The following CNTNAP2 variants were observed in gnomAD, a reference collection of about 807,000 sequenced individuals.
CNTNAP2 encodes contactin associated protein 2, also known as contactin-associated protein-like 2.
CNTNAP2 carries 98 observed loss-of-function variants against 155.2 expected under a neutral mutation model. That is an observed-to-expected ratio of 0.63 (90% CI 0.54 to 0.75). The LOEUF (loss-of-function observed/expected upper bound fraction) is 0.75. Ranked by LOEUF, CNTNAP2 falls within the 30% of genes least tolerant of loss-of-function variation. The pLI is 0.00. For synonymous variants in CNTNAP2, 651 were observed against 631.2 expected (o/e 1.03, Z -0.47); for missense variants, 1,727 against 1,688.1 (o/e 1.02, Z -0.40).
intron 13 of CNTNAP2, among the ~76,000 whole-genome samples, chr7:147,900,112 T>C (rs541319912): frequency 8.5e-4 from 130 of 152,282 alleles, no homozygotes; most frequent in African/African-American, 3.1e-3. Context: ...AATCTGATGG[T>C]GCTGGCCCCT....
chr7:146,652,892 C>T (rs1799940649), intron 1 of CNTNAP2, among the ~76,000 whole-genome samples: 1 of 152,080 alleles, frequency 6.6e-6, no homozygotes, highest in African/African-American at 2.4e-5. Context: ...GGATAACTTC[C>T]TTATGTTGTC....
intron 10 of CNTNAP2, among the ~76,000 whole-genome samples, chr7:147,446,542 CA>C (rs1285633508): frequency 1.3e-5 from 2 of 152,082 alleles, no homozygotes; most frequent in African/African-American, 4.8e-5. Context: ...GACCCATATC[CA>C]AGTTTTCCAC....
At chr7:146,922,903 C>T (rs756329740) in intron 3 of CNTNAP2, among the ~76,000 whole-genome samples, 16 of 151,936 alleles carry the variant, frequency 1.1e-4, no homozygotes, top group African/African-American at 3.6e-4. Context: ...GAAAAAAAGA[C>T]GAGTATGTAA....
chr7:147,654,910 A>G (rs977228176), intron 13 of CNTNAP2, among the ~76,000 whole-genome samples: 2 of 132,438 alleles, frequency 1.5e-5, no homozygotes, highest in Non-Finnish European at 3.1e-5. Flanking sequence ...TCCACCTCCC[A>G]GGATCAAGCA....
intron 10 of CNTNAP2, among the ~76,000 whole-genome samples, chr7:147,439,317 A>G (rs1010470302): frequency 1.3e-4 from 20 of 151,872 alleles, no homozygotes; most frequent in African/African-American, 4.6e-4. Flanking sequence ...GAAAAATTCC[A>G]ATTTTCTTAA....
intron 13 of CNTNAP2, among the ~76,000 whole-genome samples, chr7:147,768,383 A>G (rs1464031643): frequency 6.6e-6 from 1 of 152,072 alleles, no homozygotes; most frequent in African/African-American, 2.4e-5. Context: ...ATGAGGCCAA[A>G]CTTTTTAATA....
intron 13 of CNTNAP2, among the ~76,000 whole-genome samples, chr7:147,639,814 TGTGCTA>T (rs1230283107): frequency 6.6e-6 from 1 of 152,208 alleles, no homozygotes; most frequent in Non-Finnish European, 1.5e-5. Flanking sequence ...ACTTTTAGCA[TGTGCTA>T]GTGTGTGTGT....
At chr7:146,752,676 G>A (rs925679612) in intron 1 of CNTNAP2, among the ~76,000 whole-genome samples, 2 of 152,242 alleles carry the variant, frequency 1.3e-5, no homozygotes, top group East Asian at 3.9e-4. Context: ...TGGTGTTACA[G>A]ACATAAAGTC....
chr7:147,966,499 C>A (rs1359493410), intron 14 of CNTNAP2, among the ~76,000 whole-genome samples: 1 of 151,824 alleles, frequency 6.6e-6, no homozygotes, highest in Admixed American at 6.6e-5. Flanking sequence ...TTTATATATC[C>A]AAACAGAAGT....
At chr7:147,958,625 A>G (rs1008399879) in intron 14 of CNTNAP2, among the ~76,000 whole-genome samples, 1 of 152,232 alleles carries the variant, frequency 6.6e-6, no homozygotes, top group African/African-American at 2.4e-5. Flanking sequence ...CCAAAAATAT[A>G]ACTGAACTAT....
chr7:147,544,826 G>A (rs1799702881), intron 11 of CNTNAP2, among the ~76,000 whole-genome samples: 2 of 152,050 alleles, frequency 1.3e-5, no homozygotes, highest in Admixed American at 6.6e-5. Flanking sequence ...GGGGTGTCCG[G>A]TTTTGCTTGG....
Position 146,895,646 on chromosome 7 carries a change from C to G in CNTNAP2, c.402+55742C>G, listed in dbSNP as rs1253096127. On this transcript the variant is annotated intron_variant, in intron 3 of 23. Coordinates refer to ENST00000361727, the MANE Select transcript of CNTNAP2 (RefSeq NM_014141.6). ...TATGGGATATAATCACGTGGAAATA[C>G]ATAAAAGTATTGCTAGCTTACTGAT... 2.0e-5 allele frequency among the ~76,000 whole-genome samples: 3 copies of G among 152,136 alleles called. No individual in the cohort carries two copies. In the East Asian group the frequency reaches 5.8e-4, roughly 29 times the overall value.
At chr7:147,362,596 A>C (rs1796163976) in intron 9 of CNTNAP2, among the ~76,000 whole-genome samples, 1 of 152,112 alleles carries the variant, frequency 6.6e-6, no homozygotes, top group Admixed American at 6.6e-5. Context: ...TAGAACTGCC[A>C]CCTCACCTAC....
intron 1 of CNTNAP2, among the ~76,000 whole-genome samples, chr7:146,734,839 A>T (rs1260285305): frequency 6.6e-6 from 1 of 152,206 alleles, no homozygotes; most frequent in African/African-American, 2.4e-5. Context: ...TTCCAAAATT[A>T]AAACTGTGTC....
At chr7:146,188,105 G>A (rs1798648665) in intron 1 of CNTNAP2, among the ~76,000 whole-genome samples, 1 of 152,076 alleles carries the variant, frequency 6.6e-6, no homozygotes, top group South Asian at 2.1e-4. Flanking sequence ...CCTTAGGTGA[G>A]TTTATCACAA....
At chr7:146,861,056 G>A (rs1795088354) in intron 3 of CNTNAP2, among the ~76,000 whole-genome samples, 1 of 151,570 alleles carries the variant, frequency 6.6e-6, no homozygotes, top group Non-Finnish European at 1.5e-5. Flanking sequence ...TTTTTTCTTT[G>A]TTTGTTTGGT....
intron 2 of CNTNAP2, among the ~76,000 whole-genome samples, chr7:146,811,176 A>T (rs763476793): frequency 2.8e-4 from 43 of 152,186 alleles, no homozygotes; most frequent in Non-Finnish European, 5.4e-4. Flanking sequence ...TCCCATCTCA[A>T]TTTTTGGGGG....
chr7:148,380,999 G>A (rs1799045302), intron 21 of CNTNAP2, among the ~76,000 whole-genome samples: 1 of 152,260 alleles, frequency 6.6e-6, no homozygotes, highest in Non-Finnish European at 1.5e-5. Context: ...GGTACTGCCA[G>A]GAGCAAACGC....
intron 14 of CNTNAP2, among the ~76,000 whole-genome samples, chr7:147,915,879 G>A (rs1281817659): frequency 1.3e-5 from 2 of 152,112 alleles, no homozygotes; most frequent in African/African-American, 2.4e-5. Context: ...TCCCGTGTAC[G>A]TTACTCCTTA....
Sources: allele counts gnomAD v4.1 joint callset (sites outside exome capture counted in the v4.1 genomes callset), GRCh38; gene constraint gnomAD v4.1.1; transcripts MANE v1.5; gene names NCBI Gene and HGNC (gene_info 2026-07-23, HGNC 2026-07-21).